PRKCG: variants seen among roughly 807,000 people sequenced by gnomAD.
PRKCG encodes the protein protein kinase C gamma, also known as protein kinase C gamma type.
In PRKCG, 28 loss-of-function variants were observed where a neutral mutation model predicts 82.0. That is an observed-to-expected ratio of 0.34 (90% CI 0.25 to 0.47). The LOEUF is 0.47. PRKCG is among the 20% of genes least tolerant of loss of function. The pLI, the probability that PRKCG is intolerant of heterozygous loss-of-function variation, is 1.00. For synonymous variants in PRKCG, 383 were observed against 376.6 expected, an observed-to-expected ratio of 1.02 and a Z score of -0.20; for missense variants, 640 against 952.7, an observed-to-expected ratio of 0.67 and a Z score of 4.32.
rs929135346 is a variant in PRKCG at position 53,884,466 on chromosome 19, C to T, written c.285+223C>T. 4.0e-5 allele frequency among the ~76,000 whole-genome samples: 6 copies of T among 151,080 alleles called. No homozygotes were observed. The highest frequency in any genetic ancestry group is 1.9e-4 in the East Asian group (1 of 5,160). ...CACGGGTGGGGCACAGAGAGGAGGC[C>T]GGGGTGAGGAGACTGAAGATGGGTG... On this transcript the variant is annotated intron_variant, in intron 3 of 17. Coordinates refer to ENST00000263431, the MANE Select transcript of PRKCG (RefSeq NM_002739.5). This position sits in a 1 kb window ranked among gnomAD's most constrained non-coding sequence, Gnocchi z 4.6.
chr19:53,904,216 T>C (rs1214873677), intron 15 of PRKCG, among the ~76,000 whole-genome samples: 1 of 151,896 alleles, frequency 6.6e-6, no homozygotes, highest in Non-Finnish European at 1.5e-5. Flanking sequence ...GCCAATATGA[T>C]GAAACCCCAT....
At chr19:53,885,553 C>T (rs1390755664) in intron 3 of PRKCG, among the ~76,000 whole-genome samples, 1 of 152,112 alleles carries the variant, frequency 6.6e-6, no homozygotes, top group East Asian at 1.9e-4. Flanking sequence ...TTTAAACAGC[C>T]ACATGTAGTT....
upstream of PRKCG, chr19:53,882,171 A>C: frequency 2.7e-6 from 1 of 369,814 alleles, no homozygotes; most frequent in Non-Finnish European, 5.0e-6. The surrounding 1 kb of genome is among the most constrained non-coding windows in gnomAD (Gnocchi z 6.1). Context: ...TCGTCCTGGC[A>C]ACGCCTCCCC....
At chr19:53,903,638 G>A (rs1434968849) in intron 15 of PRKCG, among the ~76,000 whole-genome samples, 1 of 152,248 alleles carries the variant, frequency 6.6e-6, no homozygotes, top group East Asian at 1.9e-4. Context: ...AGCTACTGGG[G>A]AGGCTGAGGC....
rs2068757448 is a variant in PRKCG at position 53,900,723 on chromosome 19, G to A, written c.1549G>A (p.Gly517Arg). The change falls in exon 14 of 18, where the codon GGG becomes AGG. Residue 517 changes from glycine to arginine, a missense_variant. Around this residue, in one of 7 missense-constraint regions of PRKCG, gnomAD observed 198 missense variants for 273.4 expected, o/e 0.72. Coordinates refer to ENST00000263431, the MANE Select transcript of PRKCG (RefSeq NM_002739.5). This position sits in a 1 kb window ranked among gnomAD's most constrained non-coding sequence, Gnocchi z 4.2. ...CGGGACGACAACCCGCACCTTCTGC[G>A]GGACCCCGGACTACATAGCCCCGGA... The part of the protein sequence containing the change: ...FPGTTTRTFC[G>R]TPDYIAPEII... The A allele has an allele frequency of 1.2e-6, 2 of 1,614,180 alleles. No homozygotes were observed. Among genetic ancestry groups the A allele is most frequent in the Non-Finnish European group, 1.7e-6 (2 of 1,180,052 alleles).
At position 53,884,496 on chromosome 19, in the gene PRKCG, CG is replaced by C. The variant is rs983958536; in HGVS notation, c.285+258del. On this transcript the variant is annotated intron_variant, in intron 3 of 17. Transcript: ENST00000263431. This position sits in a 1 kb window ranked among gnomAD's most constrained non-coding sequence, Gnocchi z 4.6. ...TGAGGAGACTGAAGATGGGTGCTGC[CG>C]GGGGTGGGCTGTGATCCAGGGGTGA... 2.0e-5 allele frequency among the ~76,000 whole-genome samples: 3 copies of C among 151,418 alleles called. No individual in the cohort carries two copies. Among genetic ancestry groups the C allele is most frequent in the African/African-American group, 7.3e-5 (3 of 41,144 alleles).
At position 53,889,957 on chromosome 19, in the gene PRKCG, C is replaced by G; in HGVS notation, c.469C>G (p.Arg157Gly). 1 of 1,575,568 alleles carries G rather than the reference C, an allele frequency of 6.3e-7. No individual in the cohort carries two copies. The highest frequency in any genetic ancestry group is 8.6e-7 in the Non-Finnish European group (1 of 1,162,182). Residue 157 changes from arginine to glycine, a missense_variant, in exon 5 of 18, where the codon CGC becomes GGC. This residue lies in a region of PRKCG where 261 missense variants were observed against 312.1 expected (regional missense o/e 0.84). Coordinates refer to ENST00000263431, the MANE Select transcript of PRKCG (RefSeq NM_002739.5). This position sits in a 1 kb window ranked among gnomAD's most constrained non-coding sequence, Gnocchi z 4.4. ...CCTGTGCGGTGTGGACCACACCGAGCGCCGCGGGCGCCTGCAGCTGGAGAT... is the reference window on the plus strand; with the variant it reads ...CCTGTGCGGTGTGGACCACACCGAGGGCCGCGGGCGCCTGCAGCTGGAGAT... The part of the protein sequence containing the change: ...PSLCGVDHTE[R>G]RGRLQLEIRA...
intron 15 of PRKCG, among the ~76,000 whole-genome samples, chr19:53,904,185 C>G (rs2068784847): frequency 6.6e-6 from 1 of 151,798 alleles, no homozygotes; most frequent in South Asian, 2.1e-4. Flanking sequence ...CACTTGAGGT[C>G]AGGAGTTTGA....
At position 53,891,764 on chromosome 19, in the gene PRKCG, T is replaced by G. The variant is rs1432628558; in HGVS notation, c.620T>G (p.Leu207Arg). The change falls in exon 6 of 18, where the codon CTG (leucine) becomes CGG (arginine). Residue 207 changes from leucine (L) to arginine (R), a missense_variant. Coordinates refer to ENST00000263431, the MANE Select transcript of PRKCG (RefSeq NM_002739.5). ...KLKLIPDPRNLTKQKTRTVKA... is the reference protein window; with the variant it reads ...KLKLIPDPRNRTKQKTRTVKA... ...AAGCTCATCCCAGACCCTCGGAACC[T>G]GACGAAACAGAAGACCCGAACGGTG... 1.2e-6 allele frequency: 2 copies of G among 1,614,102 alleles called. No individual in the cohort carries two copies. Among genetic ancestry groups the G allele is most frequent in the South Asian group, 2.2e-5 (2 of 91,082 alleles).
upstream of PRKCG, chr19:53,882,119 C>A (rs1287974736): frequency 3.3e-6 from 1 of 299,016 alleles, no homozygotes. This position sits in a 1 kb window ranked among gnomAD's most constrained non-coding sequence, Gnocchi z 6.1. Context: ...TCCCGTGTCT[C>A]CGGGAGGGGA....
At chr19:53,894,224 C>A (rs562597239) in intron 9 of PRKCG, among the ~76,000 whole-genome samples, 31 of 152,054 alleles carry the variant, frequency 2.0e-4, no homozygotes, top group African/African-American at 7.5e-4. Context: ...CACCACCATG[C>A]CCGGCTAATT....
At chr19:53,894,513 G>A (rs933602434) in intron 9 of PRKCG, among the ~76,000 whole-genome samples, 5 of 150,484 alleles carry the variant, frequency 3.3e-5, no homozygotes, top group Admixed American at 2.6e-4. Context: ...AGGTTGGAGT[G>A]CAGTGATGCA....
intron 5 of PRKCG, among the ~76,000 whole-genome samples, chr19:53,891,032 G>A (rs1024077651): frequency 6.6e-6 from 1 of 151,724 alleles, no homozygotes; most frequent in Admixed American, 6.6e-5. Flanking sequence ...GATTACAGGG[G>A]TGAGGACCGT....
intron 15 of PRKCG, among the ~76,000 whole-genome samples, chr19:53,904,281 C>A (rs1287954110): frequency 6.6e-6 from 1 of 151,588 alleles, no homozygotes; most frequent in African/African-American, 2.4e-5. Context: ...CTGTGAACTA[C>A]TCATCCAACC....
chr19:53,890,492 AG>A (rs1270569815), intron 5 of PRKCG, among the ~76,000 whole-genome samples: 1 of 151,924 alleles, frequency 6.6e-6, no homozygotes, highest in Admixed American at 6.6e-5. Flanking sequence ...TCCTGACCCC[AG>A]GTGATCCCCT....
At chr19:53,881,533 C>CAG (rs2068589372), upstream of PRKCG, among the ~76,000 whole-genome samples, 1 of 151,886 alleles carries the variant, frequency 6.6e-6, no homozygotes, top group East Asian at 1.9e-4. Flanking sequence ...GAGACTGATT[C>CAG]ACAGTGAGGC....
chr19:53,898,312 G>A, intron 10 of PRKCG, 128 bp from the exon 11 acceptor site: 1 of 1,382,616 alleles, frequency 7.2e-7, no homozygotes, highest in East Asian at 2.4e-5. Context: ...GCAAGTCAGG[G>A]CTGTCAGTCC....
Position 53,892,715 on chromosome 19 carries a change from T to A in PRKCG, c.821+72T>A. 6.5e-7 allele frequency: 1 copy of A among 1,546,002 alleles called. No individual in the cohort carries two copies. Among genetic ancestry groups the A allele is most frequent in the Non-Finnish European group, 8.7e-7 (1 of 1,149,352 alleles). On this transcript the variant is annotated intron_variant, in intron 7 of 17. Transcript: ENST00000263431. The surrounding 1 kb of genome is among the most constrained non-coding windows in gnomAD (Gnocchi z 5.9). ...CTCCATCTGTGTGTGGTCTCTCTCC[T>A]CCAGGCCACTGTCCTTCCCTCTGCC... is the stretch of plus-strand genomic sequence containing the variant.
chr19:53,906,009 C>T (rs1339103860), intron 16 of PRKCG, among the ~76,000 whole-genome samples: 3 of 112,796 alleles, frequency 2.7e-5, no homozygotes, highest in African/African-American at 1.7e-4. Flanking sequence ...CTCTCTGTCT[C>T]GCTCTCTGTC....
Sources: gnomAD v4.1 joint callset for allele counts (sites outside exome capture counted in the v4.1 genomes callset) on GRCh38, gnomAD v4.1.1 for gene constraint, gnomAD v4.1.1 regional missense constraint, Gnocchi (gnomAD v3.1) non-coding constraint, MANE v1.5 for transcripts, NCBI Gene and HGNC (gene_info 2026-07-23, HGNC 2026-07-21) for gene names.